Variants in XKR6 observed in about 807,000 individuals in gnomAD.
XKR6 encodes XK related 6.
In XKR6, 22 loss-of-function variants were observed where a neutral mutation model predicts 56.7. The observed-to-expected ratio is 0.39, with a 90% CI of 0.28 to 0.55. The LOEUF (loss-of-function observed/expected upper bound fraction) is 0.55, where lower values mean the gene tolerates loss of function less well. Ranked by LOEUF, XKR6 falls within the 20% of genes least tolerant of loss-of-function variation. The probability of loss-of-function intolerance (pLI) is 0.66; values close to 1 mark genes in which losing one functional copy is unlikely to be tolerated. For synonymous variants in XKR6, 524 were observed against 387.8 expected, an observed-to-expected ratio of 1.35 and a Z score of -4.13; for missense variants, 852 against 889.0, an observed-to-expected ratio of 0.96 and a Z score of 0.53.
chr8:10,928,580 T>A (rs752004579), intron 1 of XKR6, among the ~76,000 whole-genome samples: 1 of 152,122 alleles, frequency 6.6e-6, no homozygotes, highest in African/African-American at 2.4e-5. Flanking sequence ...CCATCCCCTC[T>A]GCAGAAGCGG....
intron 1 of XKR6, among the ~76,000 whole-genome samples, chr8:11,161,217 C>T (rs111693805): frequency 2.6e-4 from 39 of 152,140 alleles, no homozygotes; most frequent in Non-Finnish European, 4.6e-4. Context: ...CAAACGCTTC[C>T]GAGTATCTCC....
At chr8:11,032,791 T>TA (rs1799023055) in intron 1 of XKR6, among the ~76,000 whole-genome samples, 1 of 152,144 alleles carries the variant, frequency 6.6e-6, no homozygotes, top group Non-Finnish European at 1.5e-5. Flanking sequence ...GGACCTACCT[T>TA]ACAAGGCTCC....
intron 1 of XKR6, among the ~76,000 whole-genome samples, chr8:11,148,694 T>C (rs1161701680): frequency 6.6e-6 from 1 of 152,166 alleles, no homozygotes; most frequent in Non-Finnish European, 1.5e-5. Context: ...CGAGGAGAAA[T>C]AAAAACATGT....
At chr8:11,087,798 G>T (rs915708685) in intron 1 of XKR6, among the ~76,000 whole-genome samples, 1 of 152,226 alleles carries the variant, frequency 6.6e-6, no homozygotes, top group Non-Finnish European at 1.5e-5. Context: ...ACACGCAAAG[G>T]TCATCTCCAC....
chr8:11,096,267 C>A (rs1234141548), intron 1 of XKR6, among the ~76,000 whole-genome samples: 1 of 152,164 alleles, frequency 6.6e-6, no homozygotes, highest in Non-Finnish European at 1.5e-5. Context: ...GCTAAAAGTT[C>A]ATCAGTAACA....
At chr8:11,158,769 C>G (rs1042384252) in intron 1 of XKR6, among the ~76,000 whole-genome samples, 1 of 152,154 alleles carries the variant, frequency 6.6e-6, no homozygotes, top group African/African-American at 2.4e-5. Context: ...ACAGACACAG[C>G]TAACACAATT....
In XKR6 at chr8:11,181,489, A is replaced by T. The variant is rs571453186; in HGVS notation, c.764+19087T>A. ...TTTCTTCTGGTTCCACTCAACAATG[A>T]GAACAATTATTTCATAGGGACATAT... is the stretch of plus-strand genomic sequence containing the variant. On this transcript the variant is annotated intron_variant, in intron 1 of 2. Transcript: ENST00000416569. 2.0e-5 allele frequency among the ~76,000 whole-genome samples: 3 copies of T among 152,364 alleles called. No homozygotes were observed. The South Asian group carries it at 6.2e-4, about 32-fold the overall frequency.
At chr8:11,017,143 A>T (rs1451465759) in intron 1 of XKR6, among the ~76,000 whole-genome samples, 1 of 152,244 alleles carries the variant, frequency 6.6e-6, no homozygotes, top group Non-Finnish European at 1.5e-5. Flanking sequence ...GGCATAGATG[A>T]TAGATACATA....
rs1804246098 is a variant in XKR6 at position 11,201,498 on chromosome 8, C to CCCT, written c.-162_-160dup. The CCCT allele has an allele frequency of 3.6e-6, 2 of 561,500 alleles. No homozygotes were observed. Among genetic ancestry groups the CCCT allele is most frequent in the South Asian group, 4.2e-5 (2 of 47,176 alleles). The allele number at this position is 561,500 out of a possible 1,614,324, so 34.8% of individuals were successfully genotyped here. A position where few individuals can be genotyped will look rare whatever the true frequency, so the allele number is the denominator to read the frequency against. On this transcript the variant is annotated 5_prime_UTR_variant, in exon 1 of 3. Transcript: ENST00000416569. ...CGAGGGGGGAGTGGGCCAGGGAACC[C>CCCT]CCTCCGCTTCCGGGTAGTTGGCGTC...
intron 1 of XKR6, among the ~76,000 whole-genome samples, chr8:11,155,052 A>G (rs565959984): frequency 6.6e-6 from 1 of 152,342 alleles, no homozygotes; most frequent in Non-Finnish European, 1.5e-5. Flanking sequence ...ACAAACAGCA[A>G]TATTTTGGCC....
At chr8:10,927,515 A>G (rs977684972) in intron 1 of XKR6, among the ~76,000 whole-genome samples, 1 of 152,136 alleles carries the variant, frequency 6.6e-6, no homozygotes, top group Non-Finnish European at 1.5e-5. Flanking sequence ...AGCTGGAGGA[A>G]CGGTTATATG....
At chr8:11,016,990 G>A (rs1798640004) in intron 1 of XKR6, among the ~76,000 whole-genome samples, 1 of 152,208 alleles carries the variant, frequency 6.6e-6, no homozygotes, top group African/African-American at 2.4e-5. Flanking sequence ...AGATTAGATA[G>A]ACTGATAAGA....
chr8:11,175,786 G>A (rs569124064), intron 1 of XKR6, among the ~76,000 whole-genome samples: 43 of 152,206 alleles, frequency 2.8e-4, no homozygotes, highest in African/African-American at 1.0e-3. Flanking sequence ...ATACCTCAGC[G>A]TGGTCACCAT....
intron 2 of XKR6, among the ~76,000 whole-genome samples, chr8:10,916,413 C>T (rs766289569): frequency 2.6e-5 from 4 of 152,154 alleles, no homozygotes; most frequent in Non-Finnish European, 4.4e-5. Flanking sequence ...GATTTAGAGA[C>T]GGTGACAGCT....
At chr8:10,955,617 G>T (rs556599986) in intron 1 of XKR6, among the ~76,000 whole-genome samples, 1 of 152,324 alleles carries the variant, frequency 6.6e-6, no homozygotes, top group South Asian at 2.1e-4. Flanking sequence ...GAGGCAAGTA[G>T]TTTGCCTAAG....
chr8:10,925,035 G>C (rs1800839846), intron 1 of XKR6, among the ~76,000 whole-genome samples: 1 of 152,132 alleles, frequency 6.6e-6, no homozygotes, highest in Non-Finnish European at 1.5e-5. Flanking sequence ...GGGCAGGTCA[G>C]GAAAGGATTT....
At chr8:10,962,499 T>A (rs1802094079) in intron 1 of XKR6, among the ~76,000 whole-genome samples, 1 of 152,202 alleles carries the variant, frequency 6.6e-6, no homozygotes, top group African/African-American at 2.4e-5. Context: ...TGTATTTTTG[T>A]TTATTTACGA....
Position 11,148,101 on chromosome 8 carries a change from T to G in XKR6, c.764+52475A>C, listed in dbSNP as rs573143597. ...GGCATGCACCTGTAGTCCCAGCTACTTGGGAAGCTGAGGCAGGAGAATCCC... is the reference window on the plus strand; with the variant it reads ...GGCATGCACCTGTAGTCCCAGCTACGTGGGAAGCTGAGGCAGGAGAATCCC... On this transcript the variant is annotated intron_variant, in intron 1 of 2. Coordinates refer to ENST00000416569, the MANE Select transcript of XKR6 (RefSeq NM_173683.4). Among the ~76,000 whole-genome samples the G allele has an allele frequency of 3.3e-5, 5 of 152,134 alleles. No homozygotes were observed. The South Asian group carries it at 1.0e-3, about 32-fold the overall frequency.
intron 1 of XKR6, among the ~76,000 whole-genome samples, chr8:11,099,481 G>C (rs1451923017): frequency 6.6e-6 from 1 of 152,230 alleles, no homozygotes; most frequent in East Asian, 1.9e-4. Context: ...GGCACTGCTG[G>C]GCAGGGCAGC....
Sources: allele counts gnomAD v4.1 joint callset (sites outside exome capture counted in the v4.1 genomes callset), GRCh38; gene constraint gnomAD v4.1.1; transcripts MANE v1.5; gene names NCBI Gene and HGNC (gene_info 2026-07-23, HGNC 2026-07-21).